The following SBK1 variants were observed in gnomAD, a reference collection of about 807,000 sequenced individuals.
SBK1 encodes SH3 domain binding kinase 1.
Under a neutral mutation model 24.4 loss-of-function variants are expected in SBK1, and 11 were observed. The observed-to-expected ratio is 0.45, with a 90% CI of 0.28 to 0.75. The LOEUF (loss-of-function observed/expected upper bound fraction) is 0.75. SBK1 is among the 30% of genes least tolerant of loss of function. SBK1 has a pLI of 0.12. For missense variants in SBK1, 467 were observed against 620.5 expected (o/e 0.75, Z 2.63); for synonymous variants, 308 against 284.4 (o/e 1.08, Z -0.83).
rs907596156 is a variant in SBK1, at chr16:28,321,643, T to A, written c.*722T>A. On this transcript the variant is annotated 3_prime_UTR_variant, in exon 4 of 4. Coordinates refer to ENST00000341901, the MANE Select transcript of SBK1 (RefSeq NM_001024401.3). Reference sequence around the variant, plus strand: ...GCACACCCCCATTGCACAAATGAAATCACAGCCCAGGAGGGAGGGTAGCTT... The same window carrying A: ...GCACACCCCCATTGCACAAATGAAAACACAGCCCAGGAGGGAGGGTAGCTT... 6.6e-6 allele frequency: 1 copy of A among 152,630 alleles called. No homozygotes were observed. 9.5% of individuals were successfully genotyped at this position (152,630 alleles called of 1,614,324 possible). A position where few individuals can be genotyped will look rare whatever the true frequency, so the allele number is the denominator to read the frequency against.
intron 1 of SBK1, among the ~76,000 whole-genome samples, chr16:28,295,865 T>G (rs1447437842): frequency 1.3e-5 from 2 of 151,696 alleles, no homozygotes; most frequent in Non-Finnish European, 2.9e-5. Context: ...TTCGCTCCCT[T>G]AGGTCACCTC....
chr16:28,280,245 ATATATCTG>A (rs1255393162), intron 1 of SBK1, among the ~76,000 whole-genome samples: 1 of 141,114 alleles, frequency 7.1e-6, no homozygotes, highest in African/African-American at 2.6e-5. Flanking sequence ...ATATATACGT[ATATATCTG>A]TATATATACG....
At chr16:28,272,619 C>CTTTCTTT (rs746450878) in intron 1 of SBK1, among the ~76,000 whole-genome samples, 13 of 105,970 alleles carry the variant, frequency 1.2e-4, no homozygotes, top group African/African-American at 4.2e-4. Context: ...TTCTTTCTTT[C>CTTTCTTT]TTTTTTTTTT....
intron 1 of SBK1, among the ~76,000 whole-genome samples, chr16:28,275,944 A>G (rs1054035559): frequency 3.3e-5 from 5 of 152,158 alleles, no homozygotes; most frequent in African/African-American, 1.2e-4. Context: ...AAAGAAAAAG[A>G]AAAAGAAAGA....
chr16:28,268,832 C>G (rs1353610791), intron 1 of SBK1, among the ~76,000 whole-genome samples: 5 of 152,014 alleles, frequency 3.3e-5, no homozygotes, highest in African/African-American at 1.2e-4. Flanking sequence ...TCTTGGCCAA[C>G]CTATAGAGAA....
At chr16:28,315,719 C>T (rs1434652241) in intron 1 of SBK1, among the ~76,000 whole-genome samples, 1 of 152,216 alleles carries the variant, frequency 6.6e-6, no homozygotes, top group African/African-American at 2.4e-5. Flanking sequence ...TATGATCATC[C>T]TACTGCCCTT....
At chr16:28,303,510 T>TC (rs1596549935) in intron 1 of SBK1, among the ~76,000 whole-genome samples, 2 of 76,650 alleles carry the variant, frequency 2.6e-5, no homozygotes, top group Admixed American at 2.2e-4. Context: ...TTCTTTTCTT[T>TC]TTTTTTTTTT....
intron 1 of SBK1, among the ~76,000 whole-genome samples, chr16:28,265,323 G>A (rs1193852121): frequency 6.6e-6 from 1 of 152,088 alleles, no homozygotes; most frequent in Non-Finnish European, 1.5e-5. Flanking sequence ...GGAGGTTGAG[G>A]TGGGAGGGTT....
At chr16:28,266,090 G>A (rs2044426519) in intron 1 of SBK1, among the ~76,000 whole-genome samples, 1 of 152,148 alleles carries the variant, frequency 6.6e-6, no homozygotes, top group East Asian at 1.9e-4. Context: ...AAAGGACAGT[G>A]AGGCTGAGTG....
chr16:28,301,592 C>T (rs551558150), intron 1 of SBK1, among the ~76,000 whole-genome samples: 86 of 152,290 alleles, frequency 5.6e-4, no homozygotes, highest in Non-Finnish European at 1.2e-3. Context: ...GGAGCGGGGT[C>T]AGGGGATCCC....
chr16:28,277,588 G>A (rs889007608), intron 1 of SBK1, among the ~76,000 whole-genome samples: 20 of 152,200 alleles, frequency 1.3e-4, no homozygotes, highest in Non-Finnish European at 2.8e-4. Context: ...GAGCCCAGGA[G>A]GTGGAAGCTG....
intron 1 of SBK1, among the ~76,000 whole-genome samples, chr16:28,276,152 C>T (rs915454545): frequency 6.6e-5 from 10 of 152,088 alleles, no homozygotes; most frequent in Non-Finnish European, 1.3e-4. Flanking sequence ...AAGTGGGAGC[C>T]ACGGTTTGTT....
chr16:28,266,776 C>G (rs1490079602), intron 1 of SBK1, among the ~76,000 whole-genome samples: 3 of 146,304 alleles, frequency 2.1e-5, no homozygotes, highest in African/African-American at 5.1e-5. Context: ...GGATCTTGCT[C>G]TGTAGCCCAG....
At chr16:28,281,024 A>G (rs1425186794) in intron 1 of SBK1, among the ~76,000 whole-genome samples, 1 of 152,068 alleles carries the variant, frequency 6.6e-6, no homozygotes, top group African/African-American at 2.4e-5. Context: ...TAGTGATCTC[A>G]GTGGCCTTAG....
rs376526164 is a variant in SBK1 at position 28,317,726 on chromosome 16, G to A, written c.226+109G>A. 2.9e-4 allele frequency: 225 copies of A among 769,072 alleles called. 2 individuals carry two copies. In the Middle Eastern group the frequency reaches 5.1e-3, roughly 17 times the overall value. 47.6% of individuals were successfully genotyped at this position (769,072 alleles called of 1,614,324 possible). A position where few individuals can be genotyped will look rare whatever the true frequency, so the allele number is the denominator to read the frequency against. Reference sequence around the variant, plus strand: ...CTGGGCCGGGGCTCTCTGGTGCTCTGTGGAAGCCAGGAGGCAGGGTCAGGG... The same window carrying A: ...CTGGGCCGGGGCTCTCTGGTGCTCTATGGAAGCCAGGAGGCAGGGTCAGGG... On this transcript the variant is annotated intron_variant, in intron 2 of 3. Transcript: ENST00000341901. The surrounding 1 kb of genome is among the most constrained non-coding windows in gnomAD (Gnocchi z 4.2).
rs55860114 is a variant in SBK1, at chr16:28,321,182, AACACACACAC to A, written c.*308_*317del. The A allele has an allele frequency of 0.017, 3,193 of 191,912 alleles. 100 individuals carry two copies. Among genetic ancestry groups the A allele is most frequent in the African/African-American group, 0.074 (2,400 of 32,426 alleles). The allele number at this position is 191,912 out of a possible 1,614,324, so 11.9% of individuals were successfully genotyped here. On this transcript the variant is annotated 3_prime_UTR_variant, in exon 4 of 4. Transcript: ENST00000341901. The stretch of plus-strand genomic sequence containing the variant: ...CCCGAGAATTCGGAGGCCACCACAC[AACACACACAC>A]ACACACACACACACACACACACACA...
rs1316181200 is a variant in SBK1, at chr16:28,320,990, T to C, written c.*69T>C. ...CCCGAGCCGGTGCCCGGTGCGGCGG[T>C]AGGGAATGGAGCCACCTCGCCGCGG... On this transcript the variant is annotated 3_prime_UTR_variant, in exon 4 of 4. Coordinates refer to ENST00000341901, the MANE Select transcript of SBK1 (RefSeq NM_001024401.3). The surrounding 1 kb of genome is among the most constrained non-coding windows in gnomAD (Gnocchi z 8.5). The C allele has an allele frequency of 1.6e-6, 2 of 1,286,658 alleles. No homozygotes were observed. The highest frequency in any genetic ancestry group is 2.0e-6 in the Non-Finnish European group (2 of 1,010,234). The allele number at this position is 1,286,658 out of a possible 1,614,324, so 79.7% of individuals were successfully genotyped here.
At chr16:28,294,984 C>T (rs771172120) in intron 1 of SBK1, among the ~76,000 whole-genome samples, 1 of 152,210 alleles carries the variant, frequency 6.6e-6, no homozygotes, top group Non-Finnish European at 1.5e-5. Context: ...GCTTGAAGGG[C>T]GGATGGAGAT....
chr16:28,307,568 C>T (rs2044725950), intron 1 of SBK1, among the ~76,000 whole-genome samples: 1 of 151,854 alleles, frequency 6.6e-6, no homozygotes, highest in South Asian at 2.1e-4. Flanking sequence ...GGTGAAACCT[C>T]ATCTCTACTA....
Sources: gnomAD v4.1 joint callset for allele counts (sites outside exome capture counted in the v4.1 genomes callset) on GRCh38, gnomAD v4.1.1 for gene constraint, Gnocchi (gnomAD v3.1) non-coding constraint, MANE v1.5 for transcripts, NCBI Gene and HGNC (gene_info 2026-07-23, HGNC 2026-07-21) for gene names.